Variants in IGLL5 observed in about 807,000 individuals in gnomAD.
The protein encoded by IGLL5 is immunoglobulin lambda-like polypeptide 5.
IGLL5 carries 30 observed loss-of-function variants against 20.9 expected under a neutral mutation model. That is an observed-to-expected ratio of 1.44 (90% CI 1.07 to 1.95). The LOEUF is 1.95. Ranked by LOEUF, IGLL5 falls within the 30% of genes most tolerant of loss-of-function variation. The probability of loss-of-function intolerance (pLI) is 0.00; values close to 1 mark genes in which losing one functional copy is unlikely to be tolerated. For synonymous variants in IGLL5, 203 were observed against 117.3 expected (o/e 1.73, Z -4.72); for missense variants, 475 against 270.7 (o/e 1.75, Z -5.30).
chr22:22,893,959 A>G (rs2067956611), intron 2 of IGLL5, 141 bp downstream of exon 2: 14 of 699,216 alleles, frequency 2.0e-5, no homozygotes, highest in Admixed American at 4.3e-5. Flanking sequence ...GGCCTGGAGG[A>G]GGTGCATTAG....
rs776082371 is a variant in IGLL5 at position 22,893,780 on chromosome 22, G to GTT, written c.288_289dup (p.Tyr97PhefsTer13). The GTT allele has an allele frequency of 1.2e-6, 2 of 1,605,366 alleles. No homozygotes were observed. Among genetic ancestry groups the GTT allele is most frequent in the Non-Finnish European group, 8.5e-7 (1 of 1,176,152 alleles). ...TTTTGGTCTGAGCCTCAGTCACTGT[G>GTT]TTATGTCTTCGGAACTGGGACCAAG... On this transcript the variant is annotated frameshift_variant, in exon 2 of 3. Coordinates refer to ENST00000526893, the MANE Select transcript of IGLL5 (RefSeq NM_001178126.2). LOFTEE classifies it high-confidence loss of function.
Position 22,887,819 on chromosome 22 carries a change from A to C in IGLL5, c.-235A>C. On this transcript the variant is annotated 5_prime_UTR_variant, in exon 1 of 3. Coordinates refer to ENST00000526893, the MANE Select transcript of IGLL5 (RefSeq NM_001178126.2). ...GGAGGCAGTTGAGCCCTGGATTGTG[A>C]CCGCTTCAGGGCAGTTGGTAGATGC... The C allele has an allele frequency of 1.7e-6, 1 of 591,420 alleles. No homozygotes were observed. The highest frequency in any genetic ancestry group is 3.0e-6 in the Non-Finnish European group (1 of 330,570). The allele number at this position is 591,420 out of a possible 1,614,324, so 36.6% of individuals were successfully genotyped here. A position where few individuals can be genotyped will look rare whatever the true frequency, so the allele number is the denominator to read the frequency against.
intron 2 of IGLL5, among the ~76,000 whole-genome samples, chr22:22,894,958 C>A (rs2066711338): frequency 6.6e-6 from 1 of 151,320 alleles, no homozygotes. Context: ...AGCAGGGGAC[C>A]CACAGTTCAC....
chr22:22,894,239 A>C (rs547889537), intron 2 of IGLL5, among the ~76,000 whole-genome samples: 1 of 151,152 alleles, frequency 6.6e-6, no homozygotes, highest in South Asian at 2.1e-4. Flanking sequence ...CCCCAAGAAC[A>C]GCTGAGGGTC....
intron 1 of IGLL5, among the ~76,000 whole-genome samples, chr22:22,888,956 G>C (rs1351504437): frequency 6.6e-6 from 1 of 151,420 alleles, no homozygotes; most frequent in East Asian, 2.0e-4. Context: ...AGCAGCGTCA[G>C]AGGAGAGGAG....
At chr22:22,888,561 A>T (rs545610244) in intron 1 of IGLL5, among the ~76,000 whole-genome samples, 2 of 151,310 alleles carry the variant, frequency 1.3e-5, no homozygotes, top group African/African-American at 2.4e-5. Flanking sequence ...GGGAAGGAAC[A>T]GAGGCAGGGA....
Position 22,895,942 on chromosome 22 carries a change from G to A in IGLL5, c.*248G>A. ...CCAGTGTGAAAATCACCCAAGGGAG[G>A]AGGCTCACAGCCTCCCTGAGTCATC... On this transcript the variant is annotated 3_prime_UTR_variant, in exon 3 of 3. Coordinates refer to ENST00000526893, the MANE Select transcript of IGLL5 (RefSeq NM_001178126.2). The A allele has an allele frequency of 8.5e-6, 5 of 590,504 alleles. No homozygotes were observed. The highest frequency in any genetic ancestry group is 1.5e-5 in the Non-Finnish European group (5 of 332,582). The allele number at this position is 590,504 out of a possible 1,614,324, so 36.6% of individuals were successfully genotyped here.
At chr22:22,894,688 T>A (rs2066682636) in intron 2 of IGLL5, among the ~76,000 whole-genome samples, 1 of 151,388 alleles carries the variant, frequency 6.6e-6, no homozygotes, top group Non-Finnish European at 1.5e-5. Context: ...GCCTGGGGGC[T>A]GCTGAGTCTC....
intron 2 of IGLL5, among the ~76,000 whole-genome samples, chr22:22,894,310 G>A (rs1023795682): frequency 1.3e-5 from 2 of 151,422 alleles, no homozygotes; most frequent in Non-Finnish European, 2.9e-5. Flanking sequence ...TGACACAGAG[G>A]TCACCCCAAG....
chr22:22,893,859 GCT>G lies in IGLL5; in HGVS notation c.325+42_325+43del. Reference sequence around the variant, plus strand: ...CCTTTCCCAGCCTGTCTCACCCTCTGCTGTCCCTGGAAAATCTGTTTTCTCTC... The same window carrying G: ...CCTTTCCCAGCCTGTCTCACCCTCTGGTCCCTGGAAAATCTGTTTTCTCTC... On this transcript the variant is annotated intron_variant, in intron 2 of 2. Coordinates refer to ENST00000526893, the MANE Select transcript of IGLL5 (RefSeq NM_001178126.2). The G allele has an allele frequency of 1.5e-6, 2 of 1,332,808 alleles. 1 individual carries two copies. Among genetic ancestry groups the G allele is most frequent in the Non-Finnish European group, 2.2e-6 (2 of 924,296 alleles). 82.6% of individuals were successfully genotyped at this position (1,332,808 alleles called of 1,614,324 possible).
At chr22:22,893,932 C>CTA in intron 2 of IGLL5, 114 bp downstream of exon 2, 1 of 790,486 alleles carries the variant, frequency 1.3e-6, no homozygotes, top group Admixed American at 1.9e-5. Flanking sequence ...AGCACTGACC[C>CTA]TTACCTTTCT....
chr22:22,893,114 T>C (rs1452663473), intron 1 of IGLL5, among the ~76,000 whole-genome samples: 1 of 150,990 alleles, frequency 6.6e-6, no homozygotes, highest in Non-Finnish European at 1.5e-5. Flanking sequence ...GTCGGATGAA[T>C]GAGTGGACAG....
intron 1 of IGLL5, among the ~76,000 whole-genome samples, chr22:22,888,716 C>A: frequency 6.6e-6 from 1 of 151,396 alleles, no homozygotes; most frequent in Admixed American, 6.6e-5. Flanking sequence ...TTGGTTTGGT[C>A]TCCCCCAAGG....
At chr22:22,888,986 A>G (rs539172952) in intron 1 of IGLL5, among the ~76,000 whole-genome samples, 2 of 151,292 alleles carry the variant, frequency 1.3e-5, no homozygotes, top group Non-Finnish European at 2.9e-5. Flanking sequence ...TGAGGCTGGG[A>G]GCTCCTGGGT....
At chr22:22,894,611 A>G (rs181574262) in intron 2 of IGLL5, among the ~76,000 whole-genome samples, 9 of 150,982 alleles carry the variant, frequency 6.0e-5, no homozygotes, top group Admixed American at 2.6e-4. Context: ...AGGGGAGTGA[A>G]TGAGGGGTGC....
intron 1 of IGLL5, among the ~76,000 whole-genome samples, chr22:22,889,015 A>C: frequency 6.6e-6 from 1 of 151,226 alleles, no homozygotes; most frequent in Admixed American, 6.6e-5. Flanking sequence ...AGGGGAGGCA[A>C]GAAGACCATA....
At chr22:22,894,581 T>G (rs184695461) in intron 2 of IGLL5, among the ~76,000 whole-genome samples, 1 of 151,370 alleles carries the variant, frequency 6.6e-6, no homozygotes, top group Admixed American at 6.6e-5. Flanking sequence ...AAGGGCATGT[T>G]AGACTCAGGA....
chr22:22,894,880 G>C (rs2066704872), intron 2 of IGLL5, among the ~76,000 whole-genome samples: 2 of 151,466 alleles, frequency 1.3e-5, no homozygotes, highest in Admixed American at 6.6e-5. Context: ...GTGAGGGATA[G>C]GAAGCTCCAG....
At chr22:22,889,524 A>T (rs2067729024) in intron 1 of IGLL5, among the ~76,000 whole-genome samples, 1 of 151,218 alleles carries the variant, frequency 6.6e-6, no homozygotes, top group African/African-American at 2.4e-5. Flanking sequence ...GTGATGGGAG[A>T]AAACTGGAAA....
Sources: allele counts gnomAD v4.1 joint callset (sites outside exome capture counted in the v4.1 genomes callset), GRCh38; gene constraint gnomAD v4.1.1; transcripts MANE v1.5; gene names NCBI Gene and HGNC (gene_info 2026-07-23, HGNC 2026-07-21).